The following FSIP2 variants were observed in gnomAD, a reference collection of about 807,000 sequenced individuals.
FSIP2 encodes fibrous sheath-interacting protein 2.
A neutral mutation model predicts 510.5 loss-of-function variants in FSIP2; 367 were observed. The ratio of observed to expected loss-of-function variants is 0.72; its 90% CI spans 0.66 to 0.78. The LOEUF is 0.78. FSIP2 is among the 30% of genes least tolerant of loss of function. FSIP2 has a pLI of 0.00. For missense variants in FSIP2, 7,594 were observed against 7,901.7 expected (o/e 0.96, Z 1.48); for synonymous variants, 2,601 against 2,732.2 (o/e 0.95, Z 1.50).
At chr2:185,798,822 C>T (rs552541512) in intron 16 of FSIP2, among the ~76,000 whole-genome samples, 2 of 151,950 alleles carry the variant, frequency 1.3e-5, no homozygotes, top group Admixed American at 1.3e-4. Flanking sequence ...TATTCCTATT[C>T]TCAGACATCT....
chr2:185,805,623 T>C lies in FSIP2; in HGVS notation c.16317T>C (p.Leu5439=). The change falls in exon 17 of 23, where the codon CTT becomes CTC. Residue 5439 remains leucine (L), a synonymous_variant. Coordinates refer to ENST00000424728, the MANE Select transcript of FSIP2 (RefSeq NM_173651.4). ...QISRCAKENQ[L]SLPDQSYKDT... ...GCAGATGTGCAAAAGAGAACCAACTTTCTTTACCAGATCAATCATATAAAG... is the reference window on the plus strand; with the variant it reads ...GCAGATGTGCAAAAGAGAACCAACTCTCTTTACCAGATCAATCATATAAAG... 6.2e-7 allele frequency: 1 copy of C among 1,609,406 alleles called. No homozygotes were observed. Among genetic ancestry groups the C allele is most frequent in the Non-Finnish European group, 8.5e-7 (1 of 1,178,034 alleles).
rs1693384792 is a variant in FSIP2, at chr2:185,799,880, A to G, written c.10574A>G (p.Glu3525Gly). ...GGCACCAAAAAGGGTAGAGAAAAAGAGAAAGCATGGGAAATTCAAGAAGCA... is the reference window on the plus strand; with the variant it reads ...GGCACCAAAAAGGGTAGAGAAAAAGGGAAAGCATGGGAAATTCAAGAAGCA... ...SDGTKKGREK[E>G]KAWEIQEATF... The change falls in exon 17 of 23, where the codon GAG (glutamate) becomes GGG (glycine). Residue 3525 changes from glutamate (E) to glycine (G), a missense_variant. Physicochemically the swap from Glu to Gly is moderately conservative, Grantham distance 98. Transcript: ENST00000424728. The G allele has an allele frequency of 6.5e-7, 1 of 1,533,704 alleles. No individual in the cohort carries two copies. The highest frequency in any genetic ancestry group is 8.7e-7 in the Non-Finnish European group (1 of 1,145,496).
At chr2:185,763,491 G>A (rs1428125310) in intron 12 of FSIP2, among the ~76,000 whole-genome samples, 3 of 151,558 alleles carry the variant, frequency 2.0e-5, no homozygotes, top group Non-Finnish European at 3.0e-5. Flanking sequence ...TTCATGGTAC[G>A]TATCTACAAC....
intron 13 of FSIP2, among the ~76,000 whole-genome samples, chr2:185,775,733 G>A (rs757409801): frequency 7.9e-5 from 12 of 151,942 alleles, no homozygotes; most frequent in East Asian, 1.9e-4. Context: ...GTGCAATCTC[G>A]GCTCACTGCA....
Position 185,763,195 on chromosome 2 carries a change from T to C in FSIP2, c.1253T>C (p.Ile418Thr). ...CTTCTTTCTCTAGGAGGTATAAATA[T>C]TTCAGGCCAAGGTTCAATTATTTCA... ...SIFDDRGGIN[I>T]SGQGSIISAQ... The change falls in exon 12 of 23, where the codon ATT (isoleucine) becomes ACT (threonine). Residue 418 changes from isoleucine (I) to threonine (T), a missense_variant. By Grantham distance (89) the Ile-to-Thr change is moderately conservative. Coordinates refer to ENST00000424728, the MANE Select transcript of FSIP2 (RefSeq NM_173651.4). The C allele has an allele frequency of 6.9e-7, 1 of 1,448,480 alleles. No homozygotes were observed. The highest frequency in any genetic ancestry group is 2.5e-5 in the East Asian group (1 of 40,480). 89.7% of individuals were successfully genotyped at this position (1,448,480 alleles called of 1,614,324 possible). A position where few individuals can be genotyped will look rare whatever the true frequency, so the allele number is the denominator to read the frequency against.
chr2:185,794,975 C>G lies in FSIP2; in HGVS notation c.7839C>G (p.Ile2613Met), dbSNP rs781385451. ...QAYSYVDSQN[I>M]SVMENTLLPY... ...ATTCTTATGTCGACAGTCAAAATAT[C>G]TCTGTGATGGAAAACACTCTTTTGC... Residue 2613 changes from isoleucine (I) to methionine (M), a missense_variant, in exon 16 of 23, where the codon ATC (isoleucine) becomes ATG (methionine). Coordinates refer to ENST00000424728, the MANE Select transcript of FSIP2 (RefSeq NM_173651.4). 7 of 1,533,516 alleles carry G rather than the reference C, an allele frequency of 4.6e-6. No homozygotes were observed. Among genetic ancestry groups the G allele is most frequent in the Non-Finnish European group, 6.1e-6 (7 of 1,145,314 alleles). The allele number at this position is 1,533,516 out of a possible 1,614,324, so 95.0% of individuals were successfully genotyped here.
chr2:185,803,150 C>T lies in FSIP2; in HGVS notation c.13844C>T (p.Thr4615Ile). 6.5e-7 allele frequency: 1 copy of T among 1,529,368 alleles called. No individual in the cohort carries two copies. The highest frequency in any genetic ancestry group is 8.7e-7 in the Non-Finnish European group (1 of 1,143,844). The allele number at this position is 1,529,368 out of a possible 1,614,324, so 94.7% of individuals were successfully genotyped here. ...FDDERRQLFYTSVYSSTFLED... is the reference protein window; with the variant it reads ...FDDERRQLFYISVYSSTFLED... ...GATGAGAGAAGGCAGTTATTTTATACCAGTGTTTACTCTTCAACATTCTTG... is the reference window on the plus strand; with the variant it reads ...GATGAGAGAAGGCAGTTATTTTATATCAGTGTTTACTCTTCAACATTCTTG... Residue 4615 changes from threonine to isoleucine, a missense_variant, in exon 17 of 23, where the codon ACC (threonine) becomes ATC (isoleucine). Transcript: ENST00000424728.
rs2105629726 is a variant in FSIP2, at chr2:185,797,335, T to C, written c.10199T>C (p.Leu3400Pro). The change falls in exon 16 of 23, where the codon CTT (leucine) becomes CCT (proline). Residue 3400 changes from leucine (L) to proline (P), a missense_variant. Leu to Pro is a moderately conservative substitution (Grantham distance 98, BLOSUM62 -3). Coordinates refer to ENST00000424728, the MANE Select transcript of FSIP2 (RefSeq NM_173651.4). ...NYIPEEENEN[L>P]EASREDSSFL... ...ATACCTGAGGAAGAAAATGAAAACC[T>C]TGAAGCCAGCCGGGAAGATTCTTCT... is the stretch of plus-strand genomic sequence containing the variant. 2.6e-6 allele frequency: 4 copies of C among 1,526,622 alleles called. No homozygotes were observed. The highest frequency in any genetic ancestry group is 1.4e-5 in the African/African-American group (1 of 72,148). 94.6% of individuals were successfully genotyped at this position (1,526,622 alleles called of 1,614,324 possible).
chr2:185,744,226 C>G, intron 3 of FSIP2, 96 bp from the exon 4 acceptor site: 1 of 236,502 alleles, frequency 4.2e-6, no homozygotes, highest in Non-Finnish European at 7.7e-6. Context: ...ATTTTTAAAT[C>G]AATTTAATGA....
At chr2:185,830,585 A>G (rs763459736) in intron 21 of FSIP2, among the ~76,000 whole-genome samples, 4 of 151,964 alleles carry the variant, frequency 2.6e-5, no homozygotes, top group Non-Finnish European at 5.9e-5. Flanking sequence ...ATTACTTATC[A>G]TAACTAGCAC....
chr2:185,782,771 C>G lies in FSIP2; in HGVS notation c.1469+9C>G, dbSNP rs1463959600. 8 of 1,377,382 alleles carry G rather than the reference C, an allele frequency of 5.8e-6. No homozygotes were observed. The highest frequency in any genetic ancestry group is 8.0e-6 in the Non-Finnish European group (8 of 1,002,534). The allele number at this position is 1,377,382 out of a possible 1,614,324, so 85.3% of individuals were successfully genotyped here. On this transcript the variant is annotated intron_variant, in intron 14 of 22. Transcript: ENST00000424728. ...CCTGTTTACACAAATATGTAAGTAC[C>G]TAAGGAATTATATATAATCATAACT...
chr2:185,805,855 A>G lies in FSIP2; in HGVS notation c.16549A>G (p.Lys5517Glu). ...AGGGTTGGCTACAGGTGTGACAAAT[A>G]AAAAGGAAGTGGATGAAAATAAAGT... is the stretch of plus-strand genomic sequence containing the variant. ...TSGLATGVTNKKEVDENKVGI... is the reference protein window; with the variant it reads ...TSGLATGVTNEKEVDENKVGI... Residue 5517 changes from lysine to glutamate, a missense_variant, in exon 17 of 23, where the codon AAA becomes GAA. Coordinates refer to ENST00000424728, the MANE Select transcript of FSIP2 (RefSeq NM_173651.4). 6.2e-7 allele frequency: 1 copy of G among 1,608,384 alleles called. No homozygotes were observed. The highest frequency in any genetic ancestry group is 8.5e-7 in the Non-Finnish European group (1 of 1,177,592).
Position 185,802,292 on chromosome 2 carries a change from T to C in FSIP2, c.12986T>C (p.Ile4329Thr), listed in dbSNP as rs775525449. 6.5e-5 allele frequency: 99 copies of C among 1,533,676 alleles called. No homozygotes were observed. The highest frequency in any genetic ancestry group is 7.4e-5 in the Non-Finnish European group (85 of 1,145,306). Reference protein sequence around the residue: ...KIFSPKHNTEIELKNMTQRIV... With the variant: ...KIFSPKHNTETELKNMTQRIV... Reference sequence around the variant, plus strand: ...TTCAGCCCAAAGCATAACACTGAAATTGAGTTGAAAAACATGACCCAAAGA... The same window carrying C: ...TTCAGCCCAAAGCATAACACTGAAACTGAGTTGAAAAACATGACCCAAAGA... Residue 4329 changes from isoleucine to threonine, a missense_variant, in exon 17 of 23, where the codon ATT (isoleucine) becomes ACT (threonine). Physicochemically the swap from Ile to Thr is moderately conservative, Grantham distance 89. Coordinates refer to ENST00000424728, the MANE Select transcript of FSIP2 (RefSeq NM_173651.4).
chr2:185,808,011 C>T lies in FSIP2; in HGVS notation c.18705C>T (p.Thr6235=). Residue 6235 remains threonine, a synonymous_variant, in exon 17 of 23, where the codon ACC becomes ACT. Transcript: ENST00000424728. ...SKSKIKLVPP[T]KESPTVPVAD... is the part of the protein sequence containing the mutation. ...GTAAGATTAAACTTGTACCACCCACCAAGGAATCACCTACTGTGCCTGTAG... is the reference window on the plus strand; with the variant it reads ...GTAAGATTAAACTTGTACCACCCACTAAGGAATCACCTACTGTGCCTGTAG... The T allele has an allele frequency of 1.2e-6, 2 of 1,610,822 alleles. No individual in the cohort carries two copies. Among genetic ancestry groups the T allele is most frequent in the Non-Finnish European group, 1.7e-6 (2 of 1,177,894 alleles).
chr2:185,820,650 T>C (rs1276087429), intron 19 of FSIP2, among the ~76,000 whole-genome samples: 8 of 151,386 alleles, frequency 5.3e-5, no homozygotes, highest in Admixed American at 5.3e-4. Flanking sequence ...CAAATTACAA[T>C]GGGATAAAAC....
chr2:185,742,533 C>T (rs1024148182), intron 2 of FSIP2, among the ~76,000 whole-genome samples: 2 of 151,930 alleles, frequency 1.3e-5, no homozygotes, highest in African/African-American at 4.8e-5. Context: ...TAATATAGAC[C>T]TCAGGTATTC....
chr2:185,824,531 GT>G (rs544414863), intron 20 of FSIP2, 51 bp downstream of exon 20: 2,228 of 893,586 alleles, frequency 2.5e-3, no homozygotes, highest in Non-Finnish European at 2.8e-3. Context: ...ACTTTGATGT[GT>G]TTTTTTTTTA....
At position 185,809,052 on chromosome 2, in the gene FSIP2, A is replaced by T; in HGVS notation, c.19746A>T (p.Gly6582=). ...ASISGRNYSL[G]SPDLEKRKTE... ...TAAGTGGGAGAAATTACTCCTTAGG[A>T]TCACCTGATTTAGAAAAGAGAAAGA... Residue 6582 remains glycine, a synonymous_variant, in exon 17 of 23, where the codon GGA becomes GGT. Coordinates refer to ENST00000424728, the MANE Select transcript of FSIP2 (RefSeq NM_173651.4). 6.2e-7 allele frequency: 1 copy of T among 1,610,506 alleles called. No homozygotes were observed. Among genetic ancestry groups the T allele is most frequent in the Non-Finnish European group, 8.5e-7 (1 of 1,178,786 alleles).
rs1559030176 is a variant in FSIP2 at position 185,796,857 on chromosome 2, G to A, written c.9721G>A (p.Val3241Ile). ...TMPSCSTRNK[V>I]QDHRPRESNF... ...GCCATCGTGTTCTACTAGAAACAAA[G>A]TACAAGACCACAGACCAAGGGAATC... The change falls in exon 16 of 23, where the codon GTA becomes ATA. Residue 3241 changes from valine (V) to isoleucine (I), a missense_variant. Coordinates refer to ENST00000424728, the MANE Select transcript of FSIP2 (RefSeq NM_173651.4). The A allele has an allele frequency of 1.3e-6, 2 of 1,534,994 alleles. No individual in the cohort carries two copies. Among genetic ancestry groups the A allele is most frequent in the South Asian group, 1.2e-5 (1 of 84,044 alleles).
Sources: gnomAD v4.1 joint callset for allele counts (sites outside exome capture counted in the v4.1 genomes callset) on GRCh38, gnomAD v4.1.1 for gene constraint, MANE v1.5 for transcripts, NCBI Gene and HGNC (gene_info 2026-07-23, HGNC 2026-07-21) for gene names.